Variants in PEX14 observed in about 807,000 individuals in gnomAD.
The protein encoded by PEX14 is peroxisomal biogenesis factor 14.
In PEX14, 15 loss-of-function variants were observed where a neutral mutation model predicts 49.5. That is an observed-to-expected ratio of 0.30 (90% CI 0.20 to 0.47). The LOEUF (loss-of-function observed/expected upper bound fraction) is 0.47, where lower values mean the gene tolerates loss of function less well. Ranked by LOEUF, PEX14 falls within the 20% of genes least tolerant of loss-of-function variation. The pLI is 1.00. For synonymous variants in PEX14, 210 were observed against 212.7 expected (o/e 0.99, Z 0.11); for missense variants, 398 against 494.8 (o/e 0.80, Z 1.86).
intron 4 of PEX14, among the ~76,000 whole-genome samples, chr1:10,612,759 G>A (rs1398885186): frequency 6.6e-6 from 1 of 152,214 alleles, no homozygotes; most frequent in African/African-American, 2.4e-5. Context: ...CACTGATTTG[G>A]TGGGCTGGCT....
intron 2 of PEX14, among the ~76,000 whole-genome samples, chr1:10,499,898 A>G (rs1274380705): frequency 2.0e-5 from 3 of 152,118 alleles, no homozygotes; most frequent in African/African-American, 7.2e-5. Flanking sequence ...TTGCTCTCCA[A>G]GTGCCAAAGT....
At chr1:10,515,930 A>G (rs1328048483) in intron 2 of PEX14, among the ~76,000 whole-genome samples, 1 of 152,190 alleles carries the variant, frequency 6.6e-6, no homozygotes, top group South Asian at 2.1e-4. Flanking sequence ...TGTTGGGCAT[A>G]ACGATGGCAG....
At chr1:10,517,801 G>A (rs1448800283) in intron 2 of PEX14, among the ~76,000 whole-genome samples, 1 of 151,772 alleles carries the variant, frequency 6.6e-6, no homozygotes, top group Non-Finnish European at 1.5e-5. Context: ...CTTAGTTTTT[G>A]AGGAAACGGC....
intron 2 of PEX14, among the ~76,000 whole-genome samples, chr1:10,518,390 C>T (rs923748441): frequency 6.6e-6 from 1 of 152,164 alleles, no homozygotes; most frequent in Non-Finnish European, 1.5e-5. Context: ...GGGGGAACCT[C>T]CTCTCTGCCT....
chr1:10,524,195 A>T (rs1431894557), intron 2 of PEX14, among the ~76,000 whole-genome samples: 2 of 152,214 alleles, frequency 1.3e-5, no homozygotes, highest in East Asian at 3.8e-4. Context: ...GTGTTTAAAC[A>T]GGCAAGAAGA....
intron 2 of PEX14, among the ~76,000 whole-genome samples, chr1:10,521,865 A>G (rs903963848): frequency 6.6e-6 from 1 of 152,228 alleles, no homozygotes; most frequent in Admixed American, 6.5e-5. Context: ...GGAAAGAAGG[A>G]TGCTGAACCA....
rs61777205 is a variant in PEX14 at position 10,557,294 on chromosome 1, C to T, written c.169+20997C>T. On this transcript the variant is annotated intron_variant, in intron 3 of 8. Coordinates refer to ENST00000356607, the MANE Select transcript of PEX14 (RefSeq NM_004565.3). ...GTGATTACCTTTGTGGGGTAAAAACCTCAGAGTTAGGCTGGGTGCAATGGC... is the reference window on the plus strand; with the variant it reads ...GTGATTACCTTTGTGGGGTAAAAACTTCAGAGTTAGGCTGGGTGCAATGGC... Among the ~76,000 whole-genome samples the T allele has an allele frequency of 7.3e-4, 111 of 152,206 alleles. 1 individual carries two copies. Among genetic ancestry groups the T allele is most frequent in the Admixed American group, 1.3e-3 (20 of 15,298 alleles).
At position 10,539,469 on chromosome 1, in the gene PEX14, A is replaced by G. The variant is rs543119085; in HGVS notation, c.169+3172A>G. Among the ~76,000 whole-genome samples the G allele has an allele frequency of 9.8e-5, 15 of 152,310 alleles. No homozygotes were observed. Among genetic ancestry groups the G allele is most frequent in the African/African-American group, 3.4e-4 (14 of 41,576 alleles). On this transcript the variant is annotated intron_variant, in intron 3 of 8. Transcript: ENST00000356607. This position sits in a 1 kb window ranked among gnomAD's most constrained non-coding sequence, Gnocchi z 4.6. ...GAAAAAAGCAGCTGCTCACCTTCAG[A>G]GTATTAGAATAAATGTTTTTGTTTT...
chr1:10,503,602 T>C (rs188505655), intron 2 of PEX14, among the ~76,000 whole-genome samples: 4 of 151,366 alleles, frequency 2.6e-5, no homozygotes, highest in Admixed American at 2.0e-4. Context: ...TTAAGTGTGA[T>C]CTAAAGCATA....
chr1:10,542,101 T>A (rs1237909435), intron 3 of PEX14, among the ~76,000 whole-genome samples: 3 of 152,222 alleles, frequency 2.0e-5, no homozygotes, highest in African/African-American at 4.8e-5. Flanking sequence ...TTTTTTTACT[T>A]TTTGAAAAGG....
At chr1:10,608,002 C>T (rs548576656) in intron 4 of PEX14, among the ~76,000 whole-genome samples, 2 of 152,306 alleles carry the variant, frequency 1.3e-5, no homozygotes, top group African/African-American at 2.4e-5. Context: ...CTGTCTCACT[C>T]TGTCACCCAG....
chr1:10,549,697 T>C (rs1639282653), intron 3 of PEX14, among the ~76,000 whole-genome samples: 1 of 152,220 alleles, frequency 6.6e-6, no homozygotes, highest in Non-Finnish European at 1.5e-5. Context: ...ATTTGCAGAA[T>C]ATTGTGTTGG....
intron 3 of PEX14, among the ~76,000 whole-genome samples, chr1:10,579,568 A>C (rs773630327): frequency 1.3e-5 from 2 of 152,146 alleles, no homozygotes. Flanking sequence ...GGAATAAAAG[A>C]ATGGCTACTC....
intron 2 of PEX14, among the ~76,000 whole-genome samples, chr1:10,517,754 T>C (rs1557822716): frequency 1.3e-5 from 2 of 150,926 alleles, no homozygotes; most frequent in Non-Finnish European, 2.9e-5. Flanking sequence ...TCAGAGTATA[T>C]GGGGGGCAGA....
chr1:10,545,602 G>A (rs993543833), intron 3 of PEX14, among the ~76,000 whole-genome samples: 3 of 152,326 alleles, frequency 2.0e-5, no homozygotes, highest in Non-Finnish European at 4.4e-5. Context: ...AGGCAACAGT[G>A]CATAAACTAT....
intron 4 of PEX14, 34 bp downstream of exon 4, chr1:10,599,400 G>T: frequency 2.5e-6 from 4 of 1,613,442 alleles, no homozygotes; most frequent in Non-Finnish European, 3.4e-6. Flanking sequence ...GCTTAACCTT[G>T]ATTGGGATTC....
At chr1:10,627,388 G>T (rs1302840393) in intron 8 of PEX14, 25 bp downstream of exon 8, 1 of 1,502,224 alleles carries the variant, frequency 6.7e-7, no homozygotes, top group Admixed American at 1.7e-5. Flanking sequence ...TGGGGACCCT[G>T]TTCTGGTCGG....
chr1:10,537,357 A>T (rs1433151040), intron 3 of PEX14, among the ~76,000 whole-genome samples: 1 of 5,668 alleles, frequency 1.8e-4, no homozygotes, highest in African/African-American at 3.3e-4. Flanking sequence ...CCCCCCCGCC[A>T]TCATTAGGAG....
At chr1:10,477,316 C>T (rs1374284399) in intron 1 of PEX14, among the ~76,000 whole-genome samples, 1 of 152,114 alleles carries the variant, frequency 6.6e-6, no homozygotes, top group Non-Finnish European at 1.5e-5. Flanking sequence ...ATGATCCGCC[C>T]ACCTCAGCCT....
Sources: gnomAD v4.1 joint callset for allele counts (sites outside exome capture counted in the v4.1 genomes callset) on GRCh38, gnomAD v4.1.1 for gene constraint, Gnocchi (gnomAD v3.1) non-coding constraint, MANE v1.5 for transcripts, NCBI Gene and HGNC (gene_info 2026-07-23, HGNC 2026-07-21) for gene names.